The following FAM81A variants were observed in gnomAD, a reference collection of about 807,000 sequenced individuals.
FAM81A encodes the protein family with sequence similarity 81 member A, also known as protein FAM81A.
In FAM81A, 19 loss-of-function variants were observed where a neutral mutation model predicts 46.7. The ratio of observed to expected loss-of-function variants is 0.41; its 90% CI spans 0.28 to 0.60. FAM81A has a LOEUF of 0.60. FAM81A is among the 20% of genes least tolerant of loss of function. The pLI is 0.34. For missense variants in FAM81A, 377 were observed against 453.5 expected (o/e 0.83, Z 1.53); for synonymous variants, 183 against 152.9 (o/e 1.20, Z -1.45).
chr15:59,460,393 A>T lies in FAM81A; in HGVS notation c.294+187A>T. 1 of 781,154 alleles carries T rather than the reference A, an allele frequency of 1.3e-6. No individual in the cohort carries two copies. Among genetic ancestry groups the T allele is most frequent in the Non-Finnish European group, 2.2e-6 (1 of 453,770 alleles). The allele number at this position is 781,154 out of a possible 1,614,324, so 48.4% of individuals were successfully genotyped here. A position where few individuals can be genotyped will look rare whatever the true frequency, so the allele number is the denominator to read the frequency against. ...GAAATATCCTAATTAAATTTATTCC[A>T]GTGTTTGATAACAGTTACTGTTAGT... On this transcript the variant is annotated intron_variant, in intron 3 of 8. Coordinates refer to ENST00000288228, the MANE Select transcript of FAM81A (RefSeq NM_152450.3). The surrounding 1 kb of genome is among the most constrained non-coding windows in gnomAD (Gnocchi z 4.4).
chr15:59,462,452 T>C (rs560886079), intron 3 of FAM81A, among the ~76,000 whole-genome samples: 2 of 152,216 alleles, frequency 1.3e-5, no homozygotes, highest in Non-Finnish European at 2.9e-5. Context: ...TATGTCTTTG[T>C]TGGTGAAATG....
chr15:59,405,573 A>C (rs1269763618), intron 2 of FAM81A, among the ~76,000 whole-genome samples: 1 of 151,964 alleles, frequency 6.6e-6, no homozygotes, highest in East Asian at 1.9e-4. Flanking sequence ...CCCTGGAGGC[A>C]GGGGCTGCAG....
chr15:59,421,102 A>C (rs2081168926), intron 2 of FAM81A, among the ~76,000 whole-genome samples: 1 of 152,242 alleles, frequency 6.6e-6, no homozygotes, highest in Non-Finnish European at 1.5e-5. Context: ...TTAAATGTGC[A>C]TACGAATCAG....
chr15:59,422,811 A>T (rs2081179933), intron 2 of FAM81A, among the ~76,000 whole-genome samples: 1 of 152,226 alleles, frequency 6.6e-6, no homozygotes, highest in Non-Finnish European at 1.5e-5. Context: ...AAACATAGTT[A>T]AATGAAATCT....
At chr15:59,494,099 C>T (rs902760155) in intron 4 of FAM81A, among the ~76,000 whole-genome samples, 1 of 152,114 alleles carries the variant, frequency 6.6e-6, no homozygotes, top group African/African-American at 2.4e-5. Flanking sequence ...GTGCCTGGAA[C>T]GGTCTCTGGA....
At chr15:59,503,138 A>G (rs1407947320) in intron 4 of FAM81A, among the ~76,000 whole-genome samples, 1 of 146,438 alleles carries the variant, frequency 6.8e-6, no homozygotes, top group African/African-American at 2.5e-5. Context: ...GCCACTCAGG[A>G]GGCTGAGGCA....
rs190162996 is a variant in FAM81A at position 59,485,419 on chromosome 15, G to A, written c.295-6852G>A. Among the ~76,000 whole-genome samples, 765 of 152,316 alleles carry A rather than the reference G, an allele frequency of 5.0e-3. 5 individuals carry two copies. The highest frequency in any genetic ancestry group is 0.018 in the African/African-American group (736 of 41,582). ...CTCCAGGTAGCTCAGCACAAAGAAA[G>A]AAAGACTTTGCTTGTTTGGGAGAAA... On this transcript the variant is annotated intron_variant, in intron 3 of 8. Coordinates refer to ENST00000288228, the MANE Select transcript of FAM81A (RefSeq NM_152450.3).
At chr15:59,450,325 C>T (rs2081404288) in intron 1 of FAM81A, among the ~76,000 whole-genome samples, 3 of 152,062 alleles carry the variant, frequency 2.0e-5, no homozygotes, top group Admixed American at 6.6e-5. Flanking sequence ...GTTCATTCCC[C>T]ACTCCTCACT....
intron 2 of FAM81A, among the ~76,000 whole-genome samples, chr15:59,414,201 G>A (rs769558067): frequency 6.6e-6 from 1 of 152,106 alleles, no homozygotes; most frequent in South Asian, 2.1e-4. Flanking sequence ...TGATCCGCCC[G>A]CCTTGGCCTC....
At chr15:59,521,154 A>T in intron 8 of FAM81A, 100 bp from the exon 9 acceptor site, 1 of 1,315,166 alleles carries the variant, frequency 7.6e-7, no homozygotes, top group Non-Finnish European at 1.0e-6. Flanking sequence ...AGCATCTATT[A>T]ATAATTTTTG....
intron 2 of FAM81A, among the ~76,000 whole-genome samples, chr15:59,418,126 A>G (rs555266640): frequency 1.3e-5 from 2 of 152,310 alleles, no homozygotes; most frequent in South Asian, 4.1e-4. Flanking sequence ...AGGATTTTTT[A>G]TCTAACTTTG....
chr15:59,433,762 T>C (rs2081231300), upstream of FAM81A, among the ~76,000 whole-genome samples: 1 of 152,254 alleles, frequency 6.6e-6, no homozygotes, highest in Non-Finnish European at 1.5e-5. Flanking sequence ...CCCAAGTTTT[T>C]AGTTGGTTAT....
rs376031641 is a variant in FAM81A at position 59,505,329 on chromosome 15, T to A, written c.414-1884T>A. Among the ~76,000 whole-genome samples the A allele has an allele frequency of 2.0e-5, 3 of 152,128 alleles. No individual in the cohort carries two copies. The East Asian group carries it at 5.8e-4, about 29-fold the overall frequency. ...GAGTTTGAGACCAGCCCGGCCAACA[T>A]GGTGAAACCTCATGTTTACTAAAAA... On this transcript the variant is annotated intron_variant, in intron 4 of 8. Coordinates refer to ENST00000288228, the MANE Select transcript of FAM81A (RefSeq NM_152450.3).
chr15:59,498,779 C>T (rs898086332), intron 4 of FAM81A, among the ~76,000 whole-genome samples: 2 of 152,112 alleles, frequency 1.3e-5, no homozygotes, highest in Non-Finnish European at 1.5e-5. Flanking sequence ...CTCAGCCTCC[C>T]GAGTAGCCGG....
intron 1 of FAM81A, among the ~76,000 whole-genome samples, chr15:59,454,730 A>G (rs1333956805): frequency 1.3e-5 from 2 of 152,064 alleles, no homozygotes; most frequent in South Asian, 2.1e-4. Flanking sequence ...GGCTCAGGTG[A>G]TTTTCCCACC....
chr15:59,485,547 C>T (rs2081907787), intron 3 of FAM81A, among the ~76,000 whole-genome samples: 1 of 152,242 alleles, frequency 6.6e-6, no homozygotes, highest in African/African-American at 2.4e-5. Flanking sequence ...GCAAGAACTA[C>T]AGTGTTATTG....
intron 2 of FAM81A, among the ~76,000 whole-genome samples, chr15:59,431,846 T>C (rs1265713493): frequency 2.0e-5 from 3 of 152,172 alleles, no homozygotes; most frequent in Admixed American, 1.3e-4. Context: ...GAGTCTACAG[T>C]GATGAAAACC....
intron 1 of FAM81A, among the ~76,000 whole-genome samples, chr15:59,443,242 C>A (rs548268770): frequency 2.0e-5 from 3 of 152,314 alleles, no homozygotes; most frequent in East Asian, 3.9e-4. Context: ...ACCATCATGC[C>A]TGGCTAACTT....
At chr15:59,470,847 G>A (rs188703045) in intron 3 of FAM81A, among the ~76,000 whole-genome samples, 132 of 152,022 alleles carry the variant, frequency 8.7e-4, no homozygotes, top group African/African-American at 2.3e-3. Context: ...TTTGAGACAG[G>A]GTCTGTCTGT....
Sources: allele counts gnomAD v4.1 joint callset (sites outside exome capture counted in the v4.1 genomes callset), GRCh38; gene constraint gnomAD v4.1.1; non-coding constraint Gnocchi (gnomAD v3.1); transcripts MANE v1.5; gene names NCBI Gene and HGNC (gene_info 2026-07-23, HGNC 2026-07-21).